Variants in WDR70 observed in about 807,000 individuals in gnomAD.
WDR70 encodes the protein WD repeat-containing protein 70.
Under a neutral mutation model 88.6 loss-of-function variants are expected in WDR70, and 53 were observed. The ratio of observed to expected loss-of-function variants is 0.60; its 90% CI spans 0.48 to 0.75. WDR70 has a LOEUF of 0.75. Ranked by LOEUF, WDR70 falls within the 30% of genes least tolerant of loss-of-function variation. WDR70 has a pLI of 0.00. For synonymous variants in WDR70, 280 were observed against 270.0 expected (o/e 1.04, Z -0.36); for missense variants, 610 against 823.2 (o/e 0.74, Z 3.17).
intron 8 of WDR70, 75 bp from the exon 9 acceptor site, chr5:37,516,439 A>G (rs867786207): frequency 1.8e-5 from 14 of 798,924 alleles, no homozygotes; most frequent in Middle Eastern, 3.5e-4. Context: ...TTTAAAAATG[A>G]CATGTCAGTT....
rs922954094 is a variant in WDR70, at chr5:37,562,918, A to C, written c.918-42146A>C. On this transcript the variant is annotated intron_variant, in intron 9 of 17. Transcript: ENST00000265107. ...CACCTTTCCCCCCTTTCTATTCCACAAAACTGCCGTTGTCATCATGGCCCG... is the reference window on the plus strand; with the variant it reads ...CACCTTTCCCCCCTTTCTATTCCACCAAACTGCCGTTGTCATCATGGCCCG... Among the ~76,000 whole-genome samples the C allele has an allele frequency of 2.6e-4, 40 of 151,260 alleles. 1 individual carries two copies. The highest frequency in any genetic ancestry group is 6.6e-5 in the Admixed American group (1 of 15,160).
chr5:37,454,313 G>C (rs575073775), intron 7 of WDR70, among the ~76,000 whole-genome samples: 1 of 151,912 alleles, frequency 6.6e-6, no homozygotes, highest in South Asian at 2.1e-4. Context: ...GATATGTTTA[G>C]TTTTTTTTAA....
chr5:37,608,547 C>A (rs1744098798), intron 10 of WDR70, among the ~76,000 whole-genome samples: 1 of 151,464 alleles, frequency 6.6e-6, no homozygotes. Context: ...GTATGTTTCA[C>A]TATTTTTTTT....
intron 7 of WDR70, among the ~76,000 whole-genome samples, chr5:37,467,829 C>T (rs187039463): frequency 0.014 from 2,147 of 152,136 alleles, 26 homozygotes; most frequent in Admixed American, 0.04. Flanking sequence ...TCATTCCTGC[C>T]TCAGCCTCCC....
At position 37,534,538 on chromosome 5, in the gene WDR70, C is replaced by T. The variant is rs111553754; in HGVS notation, c.917+17948C>T. ...TTGTGACAAAAGTCTTGCTCTGTCGCCCAGGCTGGAGTGCAGAGGCACAAT... is the reference window on the plus strand; with the variant it reads ...TTGTGACAAAAGTCTTGCTCTGTCGTCCAGGCTGGAGTGCAGAGGCACAAT... On this transcript the variant is annotated intron_variant, in intron 9 of 17. Transcript: ENST00000265107. Among the ~76,000 whole-genome samples, 1,272 of 143,234 alleles carry T rather than the reference C, an allele frequency of 8.9e-3. 23 individuals are homozygous for T. The highest frequency in any genetic ancestry group is 0.032 in the African/African-American group (1,202 of 37,500). 94.0% of individuals were successfully genotyped at this position (143,234 alleles called of 152,430 possible).
intron 17 of WDR70, among the ~76,000 whole-genome samples, chr5:37,731,918 C>A (rs1236446285): frequency 6.6e-6 from 1 of 152,112 alleles, no homozygotes; most frequent in Non-Finnish European, 1.5e-5. Flanking sequence ...TGCTGGATAA[C>A]AAGTCATTTC....
intron 9 of WDR70, among the ~76,000 whole-genome samples, chr5:37,555,443 T>C (rs1029788788): frequency 4.6e-5 from 7 of 152,170 alleles, no homozygotes; most frequent in African/African-American, 1.4e-4. Flanking sequence ...GCCCTTTGTA[T>C]TTCCTTATAT....
chr5:37,557,961 T>TGAAAACTCTGCAAAAGA (rs1176435994), intron 9 of WDR70, among the ~76,000 whole-genome samples: 1 of 148,286 alleles, frequency 6.7e-6, no homozygotes, highest in African/African-American at 2.5e-5. Flanking sequence ...AAGAGTATTA[T>TGAAAACTCTGCAAAAGA]GTATATTTAT....
At chr5:37,431,684 A>G (rs1467694022) in intron 5 of WDR70, among the ~76,000 whole-genome samples, 1 of 151,836 alleles carries the variant, frequency 6.6e-6, no homozygotes, top group African/African-American at 2.4e-5. Flanking sequence ...GCTAACTGAA[A>G]CTCTATATCC....
At chr5:37,587,968 CAG>C (rs1360717850) in intron 9 of WDR70, among the ~76,000 whole-genome samples, 1 of 151,962 alleles carries the variant, frequency 6.6e-6, no homozygotes, top group African/African-American at 2.4e-5. Context: ...AAAGTAGAGA[CAG>C]GGTTTCACCA....
In WDR70 at chr5:37,478,740, TA is replaced by T. The variant is rs1309396274; in HGVS notation, c.687-1092del. ...GAATGTGGGCTGTTTTGGGGTGGTA[TA>T]ATAGCATAACCTTTGGTGAGGGAGT... On this transcript the variant is annotated intron_variant, in intron 7 of 17. Coordinates refer to ENST00000265107, the MANE Select transcript of WDR70 (RefSeq NM_018034.4). Among the ~76,000 whole-genome samples the T allele has an allele frequency of 2.6e-5, 4 of 152,272 alleles. No homozygotes were observed. In the East Asian group the frequency reaches 7.7e-4, roughly 29 times the overall value.
intron 9 of WDR70, among the ~76,000 whole-genome samples, chr5:37,526,343 A>T (rs916715485): frequency 6.6e-6 from 1 of 152,220 alleles, no homozygotes; most frequent in Admixed American, 6.5e-5. Flanking sequence ...GCACATCAAT[A>T]AACGTAATCC....
At chr5:37,397,859 C>A (rs1437453291) in intron 5 of WDR70, among the ~76,000 whole-genome samples, 1 of 151,646 alleles carries the variant, frequency 6.6e-6, no homozygotes, top group Admixed American at 6.6e-5. Flanking sequence ...CAGGCGTAAT[C>A]GTGGCGCACG....
intron 9 of WDR70, among the ~76,000 whole-genome samples, chr5:37,524,884 G>A (rs1034660407): frequency 1.3e-5 from 2 of 152,042 alleles, no homozygotes; most frequent in Admixed American, 6.5e-5. Context: ...AGAAAAGAAG[G>A]CCATTACATA....
chr5:37,426,060 T>G (rs914858601), intron 5 of WDR70, among the ~76,000 whole-genome samples: 1 of 152,178 alleles, frequency 6.6e-6, no homozygotes, highest in Non-Finnish European at 1.5e-5. Context: ...GTATGGCTAT[T>G]GAAGCTCTGA....
At chr5:37,523,065 C>T (rs1031432360) in intron 9 of WDR70, among the ~76,000 whole-genome samples, 2 of 152,218 alleles carry the variant, frequency 1.3e-5, no homozygotes, top group Non-Finnish European at 2.9e-5. Context: ...CAGGGCATAC[C>T]TGAACAAAAG....
chr5:37,643,575 G>A (rs1250852866), intron 10 of WDR70, among the ~76,000 whole-genome samples: 1 of 151,412 alleles, frequency 6.6e-6, no homozygotes, highest in Non-Finnish European at 1.5e-5. Context: ...ATATTGCTTT[G>A]AATAGTATGG....
At chr5:37,580,635 G>GT (rs1160071441) in intron 9 of WDR70, among the ~76,000 whole-genome samples, 1 of 152,050 alleles carries the variant, frequency 6.6e-6, no homozygotes, top group African/African-American at 2.4e-5. Flanking sequence ...GATTTGTTTT[G>GT]TTTTTTGACT....
intron 9 of WDR70, among the ~76,000 whole-genome samples, chr5:37,559,140 G>C (rs562816491): frequency 6.6e-6 from 1 of 151,918 alleles, no homozygotes; most frequent in Non-Finnish European, 1.5e-5. Flanking sequence ...CATTGTGTTG[G>C]CCAGGCTGGT....
Sources: gnomAD v4.1 joint callset for allele counts (sites outside exome capture counted in the v4.1 genomes callset) on GRCh38, gnomAD v4.1.1 for gene constraint, MANE v1.5 for transcripts, NCBI Gene and HGNC (gene_info 2026-07-23, HGNC 2026-07-21) for gene names.